LURAP1L: variants seen among roughly 807,000 people sequenced by gnomAD.
LURAP1L encodes leucine rich adaptor protein 1-like.
LURAP1L carries 12 observed loss-of-function variants against 13.8 expected under a neutral mutation model. The ratio of observed to expected loss-of-function variants is 0.87; its 90% CI spans 0.56 to 1.41. The LOEUF (loss-of-function observed/expected upper bound fraction) is 1.41, where lower values mean the gene tolerates loss of function less well. LURAP1L is among the 40% of genes most tolerant of loss of function. The pLI, the probability that LURAP1L is intolerant of heterozygous loss-of-function variation, is 0.00. For synonymous variants in LURAP1L, 139 were observed against 119.2 expected (o/e 1.17, Z -1.08); for missense variants, 375 against 292.9 (o/e 1.28, Z -2.04).
chr9:12,775,560 C>A lies in LURAP1L; in HGVS notation c.-156C>A, dbSNP rs1047777390. 2.4e-6 allele frequency: 3 copies of A among 1,269,446 alleles called. No individual in the cohort carries two copies. In the African/African-American group the frequency reaches 4.6e-5, roughly 19 times the overall value. The allele number at this position is 1,269,446 out of a possible 1,614,324, so 78.6% of individuals were successfully genotyped here. On this transcript the variant is annotated 5_prime_UTR_variant, in exon 1 of 2. Transcript: ENST00000319264. ...CCTGTGCGGATTTCAGGGCTGATAC[C>A]GCATAGGCGGTTATGGAAAGGACGG...
chr9:12,778,707 A>C (rs911819345), intron 1 of LURAP1L, among the ~76,000 whole-genome samples: 5 of 152,372 alleles, frequency 3.3e-5, no homozygotes, highest in Admixed American at 2.0e-4. Context: ...CCCTAGCTTC[A>C]GTTCAACTGG....
intron 1 of LURAP1L, among the ~76,000 whole-genome samples, chr9:12,795,491 C>G (rs1472658947): frequency 6.6e-6 from 1 of 151,920 alleles, no homozygotes; most frequent in Non-Finnish European, 1.5e-5. Context: ...AATAGGATAG[C>G]TGTAGGTAGT....
Position 12,821,694 on chromosome 9 carries a change from CAT to C in LURAP1L, c.623_624del (p.Ile208ArgfsTer11). ...DLDQFSDSSL[I>X]EDSQALHKRP... ...TGGACCAATTCAGTGACAGCTCCCT[CAT>C]AGAGGACTCACAGGCACTACACAAG... On this transcript the variant is annotated frameshift_variant, in exon 2 of 2. Transcript: ENST00000319264. LOFTEE classifies it high-confidence loss of function. The C allele has an allele frequency of 6.2e-7, 1 of 1,614,186 alleles. No homozygotes were observed. The highest frequency in any genetic ancestry group is 1.1e-5 in the South Asian group (1 of 91,084).
intron 1 of LURAP1L, among the ~76,000 whole-genome samples, chr9:12,804,843 T>G (rs910043965): frequency 6.6e-6 from 1 of 152,174 alleles, no homozygotes; most frequent in African/African-American, 2.4e-5. Flanking sequence ...TACCTTTTTT[T>G]CTTTTTTCAT....
intron 1 of LURAP1L, among the ~76,000 whole-genome samples, chr9:12,796,596 T>C (rs534399742): frequency 6.6e-6 from 1 of 152,120 alleles, no homozygotes; most frequent in Non-Finnish European, 1.5e-5. Context: ...ATTTCTGTGA[T>C]AATTTATAAG....
At chr9:12,802,835 C>G (rs1819605220) in intron 1 of LURAP1L, among the ~76,000 whole-genome samples, 1 of 152,110 alleles carries the variant, frequency 6.6e-6, no homozygotes, top group Non-Finnish European at 1.5e-5. Context: ...TTTCCTCTAC[C>G]AACACCTGCT....
chr9:12,803,815 T>C (rs1432661088), intron 1 of LURAP1L, among the ~76,000 whole-genome samples: 3 of 152,194 alleles, frequency 2.0e-5, no homozygotes, highest in Non-Finnish European at 2.9e-5. Context: ...AGACTAGAGA[T>C]AAAGCATAAA....
intron 1 of LURAP1L, chr9:12,777,116 C>T (rs1229600651): frequency 1.8e-5 from 9 of 495,388 alleles, no homozygotes; most frequent in East Asian, 1.5e-4. Context: ...TCTATCACTC[C>T]GACAGGAATG....
At chr9:12,803,889 G>A (rs1052890622) in intron 1 of LURAP1L, among the ~76,000 whole-genome samples, 1 of 152,150 alleles carries the variant, frequency 6.6e-6, no homozygotes, top group Non-Finnish European at 1.5e-5. Context: ...AAAATAAAAT[G>A]TAAACAGCTA....
intron 1 of LURAP1L, among the ~76,000 whole-genome samples, chr9:12,807,205 G>A (rs1469017996): frequency 7.7e-6 from 1 of 129,306 alleles, no homozygotes; most frequent in African/African-American, 2.9e-5. Context: ...GGCGCAGCTT[G>A]CAGTGAGCTG....
In LURAP1L at chr9:12,810,981, A is replaced by G. The variant is rs112915416; in HGVS notation, c.313-10405A>G. ...TGAAAATAAATATTTGCAGCAAAAT[A>G]TCTGAGTCTTCATTATATTTCCTAT... is the stretch of plus-strand genomic sequence containing the variant. On this transcript the variant is annotated intron_variant, in intron 1 of 1. Transcript: ENST00000319264. Among the ~76,000 whole-genome samples, 397 of 152,380 alleles carry G rather than the reference A, an allele frequency of 2.6e-3. 1 individual carries two copies. The highest frequency in any genetic ancestry group is 9.1e-3 in the African/African-American group (379 of 41,602).
intron 1 of LURAP1L, among the ~76,000 whole-genome samples, chr9:12,820,335 T>G (rs1213028926): frequency 2.0e-5 from 3 of 151,962 alleles, no homozygotes; most frequent in African/African-American, 7.3e-5. Context: ...AAACTCCGTC[T>G]CTACTAAAAA....
chr9:12,787,330 G>A (rs10125816), intron 1 of LURAP1L, among the ~76,000 whole-genome samples: 2,635 of 151,910 alleles, frequency 0.017, 89 homozygotes, highest in African/African-American at 0.061. Flanking sequence ...ATTTGTATAG[G>A]TATATATATA....
intron 1 of LURAP1L, among the ~76,000 whole-genome samples, chr9:12,799,165 T>C (rs1372132533): frequency 2.0e-5 from 3 of 152,208 alleles, no homozygotes; most frequent in Non-Finnish European, 4.4e-5. Flanking sequence ...TAAGTGGTGA[T>C]ACAATTTTGG....
In LURAP1L at chr9:12,803,165, A is replaced by G. The variant is rs187576423; in HGVS notation, c.313-18221A>G. Among the ~76,000 whole-genome samples the G allele has an allele frequency of 1.6e-3, 248 of 152,328 alleles. 1 individual carries two copies. The highest frequency in any genetic ancestry group is 5.5e-3 in the African/African-American group (228 of 41,574). ...TAGAACCACTGCACTGGAAGTGTTC[A>G]TGCTTACCACCTCTTTGTCACTTGT... is the stretch of plus-strand genomic sequence containing the variant. On this transcript the variant is annotated intron_variant, in intron 1 of 1. Coordinates refer to ENST00000319264, the MANE Select transcript of LURAP1L (RefSeq NM_203403.2).
chr9:12,811,318 C>T (rs1279903871), intron 1 of LURAP1L, among the ~76,000 whole-genome samples: 4 of 152,166 alleles, frequency 2.6e-5, no homozygotes, highest in South Asian at 2.1e-4. Flanking sequence ...ATTATCTTAT[C>T]AATGTATACC....
At chr9:12,777,613 A>C in intron 1 of LURAP1L, 4 of 955,606 alleles carry the variant, frequency 4.2e-6, no homozygotes, top group Non-Finnish European at 5.0e-6. Flanking sequence ...TAGCACATCA[A>C]AGATAATACT....
intron 1 of LURAP1L, among the ~76,000 whole-genome samples, chr9:12,781,713 A>G (rs1324221868): frequency 1.3e-5 from 2 of 152,244 alleles, no homozygotes; most frequent in Admixed American, 1.3e-4. Flanking sequence ...GTGCTGCAAT[A>G]GACACAGGAG....
chr9:12,806,659 C>T (rs1331118455), intron 1 of LURAP1L, among the ~76,000 whole-genome samples: 2 of 151,828 alleles, frequency 1.3e-5, no homozygotes, highest in Admixed American at 1.3e-4. Context: ...TATAAATATT[C>T]TCAAGGAATT....
Sources: gnomAD v4.1 joint callset for allele counts (sites outside exome capture counted in the v4.1 genomes callset) on GRCh38, gnomAD v4.1.1 for gene constraint, MANE v1.5 for transcripts, NCBI Gene and HGNC (gene_info 2026-07-23, HGNC 2026-07-21) for gene names.